Variants in KLF8 observed in about 807,000 individuals in gnomAD.
The protein encoded by KLF8 is KLF transcription factor 8.
KLF8 carries 10 observed loss-of-function variants against 18.2 expected under a neutral mutation model. The ratio of observed to expected loss-of-function variants is 0.55; its 90% CI spans 0.34 to 0.93. The LOEUF is 0.93. KLF8 is among the 40% of genes least tolerant of loss of function. KLF8 has a pLI of 0.02. For missense variants in KLF8, 264 were observed against 277.9 expected, an observed-to-expected ratio of 0.95 and a Z score of 0.36; for synonymous variants, 109 against 97.3, an observed-to-expected ratio of 1.12 and a Z score of -0.71.
chrX:56,148,512 A>C, the KLF8 span, among the ~76,000 whole-genome samples: 4 of 111,986 alleles, frequency 3.6e-5, no homozygotes, highest in African/African-American at 1.3e-4. Context: ...AGCAAAAGGA[A>C]AACATGATAA....
At chrX:56,254,376 A>G (rs2066759481) in intron 2 of KLF8, among the ~76,000 whole-genome samples, 1 of 111,015 alleles carries the variant, frequency 9.0e-6, no homozygotes, top group African/African-American at 3.3e-5. Flanking sequence ...GCAGGAGCAA[A>G]ACTCTATGCG....
chrX:56,161,986 A>G, the KLF8 span, among the ~76,000 whole-genome samples: 1 of 111,687 alleles, frequency 9.0e-6, no homozygotes, highest in Non-Finnish European at 1.9e-5. Flanking sequence ...TTTCCTTCTA[A>G]CAGTCAGGAC....
At chrX:55,960,518 AAAGAAAAGGAAG>A in the KLF8 span, among the ~76,000 whole-genome samples, 3 of 110,584 alleles carry the variant, frequency 2.7e-5, no homozygotes, top group African/African-American at 9.9e-5. Context: ...TCTGTCAAAA[AAAGAAAAGGAAG>A]AAGAAAAGGA....
At chrX:56,036,064 C>T in the KLF8 span, among the ~76,000 whole-genome samples, 62 of 111,375 alleles carry the variant, frequency 5.6e-4, no homozygotes, top group African/African-American at 1.7e-3. Context: ...CTTGACTATA[C>T]GGGCTTTTTA....
the KLF8 span, among the ~76,000 whole-genome samples, chrX:56,159,206 T>A: frequency 8.9e-6 from 1 of 112,286 alleles, no homozygotes. Flanking sequence ...TTTGCGTATT[T>A]TGAACCAGTC....
chrX:56,268,768 T>A (rs939582561), intron 3 of KLF8: 59 of 780,838 alleles, frequency 7.6e-5, no homozygotes, highest in Non-Finnish European at 9.0e-5. Context: ...ACCACCTGAT[T>A]GAGTTTTTAG....
At chrX:55,958,151 G>GA in the KLF8 span, among the ~76,000 whole-genome samples, 1 of 112,325 alleles carries the variant, frequency 8.9e-6, no homozygotes, top group East Asian at 2.8e-4. Flanking sequence ...AGATGTAAGA[G>GA]AAAAAGATCA....
the KLF8 span, among the ~76,000 whole-genome samples, chrX:56,120,287 A>G: frequency 4.5e-5 from 5 of 111,861 alleles, no homozygotes; most frequent in East Asian, 1.4e-3. Flanking sequence ...ACTTCAAGCT[A>G]CAGCCCTCTT....
rs1194317529 is a variant in KLF8 at position 56,233,230 on chromosome X, G to T, written c.-105G>T. ...GCGTCGCCCTGCGCTATGTCAGAAT[G>T]GGGCGGGTGTGAGGGGAACAGCTCT... On this transcript the variant is annotated 5_prime_UTR_variant, in exon 1 of 6. An upstream start codon of the reference 5' UTR is lost. Transcript: ENST00000468660. 1.0e-6 allele frequency: 1 copy of T among 971,707 alleles called. No homozygotes were observed. Among genetic ancestry groups the T allele is most frequent in the South Asian group, 2.0e-5 (1 of 50,077 alleles). The allele number at this position is 971,707 out of a possible 1,213,427, so 80.1% of individuals were successfully genotyped here.
the KLF8 span, among the ~76,000 whole-genome samples, chrX:56,077,581 C>T: frequency 8.9e-6 from 1 of 111,955 alleles, no homozygotes; most frequent in Middle Eastern, 4.2e-3. Context: ...AGCGTGATGC[C>T]TCCACCTTTA....
At chrX:56,020,381 TCTAGAGG>T in the KLF8 span, among the ~76,000 whole-genome samples, 7 of 111,980 alleles carry the variant, frequency 6.3e-5, no homozygotes, top group Admixed American at 1.9e-4. Context: ...AGAAATACTG[TCTAGAGG>T]CTTTTGTGAT....
the KLF8 span, among the ~76,000 whole-genome samples, chrX:56,133,879 G>A: frequency 1.9e-5 from 2 of 107,383 alleles, no homozygotes; most frequent in Non-Finnish European, 3.8e-5. Flanking sequence ...CAGTGATCAA[G>A]CTGAGAATTA....
chrX:56,129,924 A>G, the KLF8 span, among the ~76,000 whole-genome samples: 5 of 110,092 alleles, frequency 4.5e-5, no homozygotes, highest in Non-Finnish European at 7.6e-5. Context: ...AACAACCTGC[A>G]TGACATAGCA....
the KLF8 span, among the ~76,000 whole-genome samples, chrX:55,960,085 C>T: frequency 8.9e-6 from 1 of 111,774 alleles, no homozygotes; most frequent in Non-Finnish European, 1.9e-5. Flanking sequence ...ACATTGGAGG[C>T]CTATAAGCAT....
chrX:56,050,271 G>C, the KLF8 span, among the ~76,000 whole-genome samples: 1 of 111,278 alleles, frequency 9.0e-6, no homozygotes, highest in Non-Finnish European at 1.9e-5. Context: ...ATTTCCTTCA[G>C]TTCTGCTGTG....
At chrX:56,124,604 T>C in the KLF8 span, among the ~76,000 whole-genome samples, 1 of 111,735 alleles carries the variant, frequency 8.9e-6, no homozygotes, top group Non-Finnish European at 1.9e-5. Flanking sequence ...TTCTGCATCA[T>C]TGCCAAGGGA....
At chrX:56,050,354 G>A in the KLF8 span, among the ~76,000 whole-genome samples, 2 of 111,668 alleles carry the variant, frequency 1.8e-5, no homozygotes, top group Non-Finnish European at 3.8e-5. Context: ...TTTTAATTGT[G>A]ATGTTAGTGT....
chrX:56,112,168 T>G, the KLF8 span, among the ~76,000 whole-genome samples: 2 of 111,690 alleles, frequency 1.8e-5, no homozygotes, highest in African/African-American at 6.5e-5. Context: ...AAGGATGAGT[T>G]TATGTCCTTT....
the KLF8 span, among the ~76,000 whole-genome samples, chrX:56,052,642 C>T: frequency 8.9e-6 from 1 of 111,919 alleles, no homozygotes; most frequent in Non-Finnish European, 1.9e-5. Flanking sequence ...TCTCCAGCTG[C>T]GTGCTGGGAG....
Sources: gnomAD v4.1 joint callset for allele counts (sites outside exome capture counted in the v4.1 genomes callset) on GRCh38, gnomAD v4.1.1 for gene constraint, MANE v1.5 for transcripts, NCBI Gene and HGNC (gene_info 2026-07-23, HGNC 2026-07-21) for gene names.